SGCZ: variants seen among roughly 807,000 people sequenced by gnomAD.
SGCZ encodes sarcoglycan zeta.
In SGCZ, 40 loss-of-function variants were observed where a neutral mutation model predicts 41.3. That is an observed-to-expected ratio of 0.97 (90% CI 0.75 to 1.26). The LOEUF (loss-of-function observed/expected upper bound fraction) is 1.26. SGCZ is among the 50% of genes most tolerant of loss of function. The pLI is 0.00. For missense variants in SGCZ, 552 were observed against 369.8 expected, an observed-to-expected ratio of 1.49 and a Z score of -4.04; for synonymous variants, 206 against 137.5, an observed-to-expected ratio of 1.50 and a Z score of -3.49.
At position 14,146,890 on chromosome 8, in the gene SGCZ, A is replaced by AAAAAAAAAAAAATAATAAT. The variant is rs1182329393; in HGVS notation, c.547+17689_547+17690insATTATTATTTTTTTTTTTT. On this transcript the variant is annotated intron_variant, in intron 5 of 7. Coordinates refer to ENST00000382080, the MANE Select transcript of SGCZ (RefSeq NM_139167.4). ...CCGTCTCAAAAAATAAAAATAAAAA[A>AAAAAAAAAAAAATAATAAT]AATAATAATAATAATAACTACAGCA... 4.6e-4 allele frequency among the ~76,000 whole-genome samples: 53 copies of AAAAAAAAAAAAATAATAAT among 116,162 alleles called. 3 individuals are homozygous for AAAAAAAAAAAAATAATAAT. The highest frequency in any genetic ancestry group is 1.9e-3 in the East Asian group (8 of 4,184). 76.2% of individuals were successfully genotyped at this position (116,162 alleles called of 152,430 possible).
At chr8:14,119,973 T>C (rs2117032740) in intron 5 of SGCZ, among the ~76,000 whole-genome samples, 1 of 152,196 alleles carries the variant, frequency 6.6e-6, no homozygotes, top group Non-Finnish European at 1.5e-5. Context: ...GTAGTATTTT[T>C]TTGAGGATTT....
chr8:14,820,831 G>T (rs899031325), intron 1 of SGCZ, among the ~76,000 whole-genome samples: 3 of 149,666 alleles, frequency 2.0e-5, no homozygotes, highest in African/African-American at 7.4e-5. Context: ...CATAGCAAAA[G>T]CATTCCTAAG....
chr8:14,871,699 G>C (rs537178895), intron 1 of SGCZ, among the ~76,000 whole-genome samples: 2 of 152,122 alleles, frequency 1.3e-5, no homozygotes, highest in East Asian at 3.9e-4. Flanking sequence ...AGCTACTTGG[G>C]AGGCTGAGGC....
At chr8:14,558,676 A>C (rs1804113101) in intron 1 of SGCZ, among the ~76,000 whole-genome samples, 1 of 151,938 alleles carries the variant, frequency 6.6e-6, no homozygotes, top group Non-Finnish European at 1.5e-5. Context: ...GAAAGGACAT[A>C]ACAATGACAA....
At chr8:14,404,068 G>T (rs992485224) in intron 2 of SGCZ, among the ~76,000 whole-genome samples, 1 of 152,108 alleles carries the variant, frequency 6.6e-6, no homozygotes, top group Non-Finnish European at 1.5e-5. Context: ...TGAGTATCAC[G>T]AAAAGAGAGA....
At chr8:14,294,670 A>G (rs141982448) in intron 3 of SGCZ, among the ~76,000 whole-genome samples, 6 of 152,250 alleles carry the variant, frequency 3.9e-5, no homozygotes, top group Admixed American at 3.3e-4. Context: ...AATCACATAT[A>G]TGACAAAGAA....
chr8:15,148,916 G>C (rs1349576471), intron 1 of SGCZ, among the ~76,000 whole-genome samples: 1 of 152,176 alleles, frequency 6.6e-6, no homozygotes, highest in African/African-American at 2.4e-5. Flanking sequence ...AGAAAAGCAA[G>C]AACAGGGAAT....
At chr8:14,721,020 G>C (rs1234977615) in intron 1 of SGCZ, among the ~76,000 whole-genome samples, 2 of 152,056 alleles carry the variant, frequency 1.3e-5, no homozygotes, top group African/African-American at 2.4e-5. Flanking sequence ...TAACATAGCA[G>C]ACCATTTTCT....
intron 2 of SGCZ, among the ~76,000 whole-genome samples, chr8:14,551,787 T>A (rs1803877286): frequency 7.4e-6 from 1 of 134,264 alleles, no homozygotes; most frequent in Admixed American, 7.5e-5. Context: ...ATAAGTAGAA[T>A]AATTTTATTT....
chr8:14,295,642 C>CA (rs923430268), intron 3 of SGCZ, among the ~76,000 whole-genome samples: 55 of 151,968 alleles, frequency 3.6e-4, no homozygotes, highest in African/African-American at 1.2e-3. Flanking sequence ...TCATGGACAA[C>CA]AAAAAATACA....
intron 1 of SGCZ, among the ~76,000 whole-genome samples, chr8:14,657,184 T>A (rs1410569419): frequency 6.6e-6 from 1 of 152,050 alleles, no homozygotes; most frequent in Non-Finnish European, 1.5e-5. Context: ...GCAGTCTAAT[T>A]TTCTTAGTTG....
intron 2 of SGCZ, among the ~76,000 whole-genome samples, chr8:14,399,816 A>G (rs1259107768): frequency 1.3e-5 from 2 of 152,154 alleles, no homozygotes; most frequent in Non-Finnish European, 2.9e-5. Context: ...TTAATCTACA[A>G]TTTGATTTTT....
chr8:14,550,398 T>TATAA (rs1404896264), intron 2 of SGCZ, among the ~76,000 whole-genome samples: 1 of 151,026 alleles, frequency 6.6e-6, no homozygotes, highest in African/African-American at 2.4e-5. Flanking sequence ...TAAATAAGCA[T>TATAA]ATAAATAAAA....
intron 2 of SGCZ, among the ~76,000 whole-genome samples, chr8:14,394,927 G>T (rs1798864991): frequency 6.6e-6 from 1 of 152,090 alleles, no homozygotes; most frequent in Admixed American, 6.6e-5. Context: ...TGACTACTTG[G>T]ATTTGTATCT....
At chr8:14,326,043 C>A (rs368550477) in intron 2 of SGCZ, among the ~76,000 whole-genome samples, 46 of 132,316 alleles carry the variant, frequency 3.5e-4, no homozygotes, top group Middle Eastern at 4.4e-3. Context: ...ACCCGGGAGG[C>A]GGAGCCACAA....
intron 1 of SGCZ, among the ~76,000 whole-genome samples, chr8:14,576,245 CA>C (rs1804709159): frequency 6.6e-6 from 1 of 151,854 alleles, no homozygotes; most frequent in Non-Finnish European, 1.5e-5. Context: ...AACATACAGA[CA>C]ATGTAAAGTG....
At chr8:14,637,540 T>C (rs911018775) in intron 1 of SGCZ, among the ~76,000 whole-genome samples, 2 of 151,722 alleles carry the variant, frequency 1.3e-5, no homozygotes, top group African/African-American at 4.8e-5. Context: ...GCTCAGTGTT[T>C]AGCTCCCACT....
chr8:15,043,354 C>G (rs546778744), intron 1 of SGCZ, among the ~76,000 whole-genome samples: 23 of 152,132 alleles, frequency 1.5e-4, no homozygotes, highest in African/African-American at 4.8e-4. Context: ...TTCAGTTAAT[C>G]TCATTCTTAG....
chr8:14,404,193 T>C (rs1026473526), intron 2 of SGCZ, among the ~76,000 whole-genome samples: 6 of 152,336 alleles, frequency 3.9e-5, no homozygotes, highest in Admixed American at 3.9e-4. Flanking sequence ...GCTGTAATTG[T>C]ATCTATATAC....
Sources: allele counts gnomAD v4.1 joint callset (sites outside exome capture counted in the v4.1 genomes callset), GRCh38; gene constraint gnomAD v4.1.1; transcripts MANE v1.5; gene names NCBI Gene and HGNC (gene_info 2026-07-23, HGNC 2026-07-21).